Variants in VPS37A observed in about 807,000 individuals in gnomAD.
VPS37A encodes the protein vacuolar protein sorting-associated protein 37A.
VPS37A carries 30 observed loss-of-function variants against 49.8 expected under a neutral mutation model. That is an observed-to-expected ratio of 0.60 (90% CI 0.45 to 0.82). The LOEUF is 0.82. Ranked by LOEUF, VPS37A falls within the 40% of genes least tolerant of loss-of-function variation. The probability of loss-of-function intolerance (pLI) is 0.00; values close to 1 mark genes in which losing one functional copy is unlikely to be tolerated. For synonymous variants in VPS37A, 195 were observed against 160.6 expected (o/e 1.21, Z -1.62); for missense variants, 593 against 464.4 (o/e 1.28, Z -2.55).
chr8:17,254,575 T>C lies in VPS37A; in HGVS notation c.125+7206T>C, dbSNP rs561080844. Among the ~76,000 whole-genome samples, 13 of 152,302 alleles carry C rather than the reference T, an allele frequency of 8.5e-5. No homozygotes were observed. In the South Asian group the frequency reaches 2.5e-3, roughly 29 times the overall value. On this transcript the variant is annotated intron_variant, in intron 1 of 11. Transcript: ENST00000324849. ...AGGACCTTCAAACTGCTCCAAACTT[T>C]ATATTGGACTTATGTTTTGGATTGT...
At chr8:17,292,270 T>C (rs574899727) in intron 11 of VPS37A, among the ~76,000 whole-genome samples, 1 of 152,358 alleles carries the variant, frequency 6.6e-6, no homozygotes, top group Non-Finnish European at 1.5e-5. Flanking sequence ...CTCTGTTTTA[T>C]CAGAGACCAG....
Position 17,247,262 on chromosome 8 carries a change from C to T in VPS37A, c.18C>T (p.Pro6=), listed in dbSNP as rs770778806. The change falls in exon 1 of 12, where the codon CCC becomes CCT. Residue 6 remains proline, a synonymous_variant. Transcript: ENST00000324849. Reference sequence around the variant, plus strand: ...CGAGGAGGATGAGCTGGCTTTTTCCCCTGACCAAGAGCGCCTCCTCCTCCG... The same window carrying T: ...CGAGGAGGATGAGCTGGCTTTTTCCTCTGACCAAGAGCGCCTCCTCCTCCG... MSWLF[P]LTKSASSSAA... is the part of the protein sequence containing the mutation. 1.9e-6 allele frequency: 3 copies of T among 1,571,540 alleles called. No homozygotes were observed. Among genetic ancestry groups the T allele is most frequent in the Admixed American group, 3.7e-5 (2 of 54,472 alleles).
downstream of VPS37A, chr8:17,298,236 A>G (rs1026998072): frequency 2.6e-5 from 4 of 152,088 alleles, no homozygotes; most frequent in African/African-American, 9.6e-5. Context: ...GGTATTCCCT[A>G]TTACATATAG....
chr8:17,258,208 G>A (rs1385523743), intron 1 of VPS37A, among the ~76,000 whole-genome samples: 2 of 152,086 alleles, frequency 1.3e-5, no homozygotes, highest in Admixed American at 1.3e-4. Flanking sequence ...TTGAAAGTGG[G>A]CATGCTTGTC....
downstream of VPS37A, among the ~76,000 whole-genome samples, chr8:17,303,603 A>G (rs7007967): frequency 0.02 from 2,450 of 122,206 alleles, 71 homozygotes; most frequent in African/African-American, 0.081. Context: ...CTCCCCATAC[A>G]TACAATCTTT....
intron 1 of VPS37A, among the ~76,000 whole-genome samples, chr8:17,259,702 G>A (rs918426520): frequency 2.0e-5 from 3 of 152,040 alleles, no homozygotes; most frequent in African/African-American, 7.2e-5. Flanking sequence ...ATTGCAATCT[G>A]TCTTTCTCTT....
chr8:17,277,283 A>G (rs1443693595), intron 6 of VPS37A, among the ~76,000 whole-genome samples: 2 of 152,214 alleles, frequency 1.3e-5, no homozygotes, highest in Non-Finnish European at 2.9e-5. Flanking sequence ...TTTACAATAT[A>G]CTGCATACAT....
At chr8:17,292,575 T>G (rs1429286088) in intron 11 of VPS37A, among the ~76,000 whole-genome samples, 2 of 152,166 alleles carry the variant, frequency 1.3e-5, no homozygotes, top group African/African-American at 4.8e-5. Flanking sequence ...TACATTTTGG[T>G]TTGATTTTGC....
At chr8:17,250,475 A>G (rs772534585) in intron 1 of VPS37A, among the ~76,000 whole-genome samples, 2 of 152,194 alleles carry the variant, frequency 1.3e-5, no homozygotes, top group Non-Finnish European at 2.9e-5. Context: ...GAGGAATATC[A>G]ATATCTTGTT....
chr8:17,282,118 A>T (rs1007339721), intron 9 of VPS37A, among the ~76,000 whole-genome samples: 1 of 151,962 alleles, frequency 6.6e-6, no homozygotes, highest in Non-Finnish European at 1.5e-5. Flanking sequence ...AATGAAAAAA[A>T]CTCCCTTTCC....
intron 1 of VPS37A, among the ~76,000 whole-genome samples, chr8:17,259,532 A>G (rs1441530720): frequency 2.0e-5 from 3 of 152,144 alleles, no homozygotes; most frequent in African/African-American, 7.2e-5. Context: ...TGCTGATGAA[A>G]AGAACATATT....
intron 11 of VPS37A, among the ~76,000 whole-genome samples, chr8:17,289,620 A>C (rs570705501): frequency 1.7e-4 from 26 of 152,248 alleles, no homozygotes; most frequent in Middle Eastern, 3.4e-3. Context: ...GTATAGTTTG[A>C]AGTCAGGTAG....
intron 11 of VPS37A, among the ~76,000 whole-genome samples, chr8:17,293,708 C>T (rs972749445): frequency 1.1e-4 from 17 of 152,150 alleles, no homozygotes; most frequent in African/African-American, 4.1e-4. Flanking sequence ...TAACAAGCCC[C>T]TCTTCTGCAG....
chr8:17,299,657 C>T (rs1191396540), downstream of VPS37A: 25 of 632,688 alleles, frequency 4.0e-5, no homozygotes, highest in Non-Finnish European at 6.3e-5. Context: ...GAATAATTTT[C>T]CTTATATTTG....
At chr8:17,291,100 G>A (rs192001029) in intron 11 of VPS37A, among the ~76,000 whole-genome samples, 132 of 152,164 alleles carry the variant, frequency 8.7e-4, no homozygotes, top group Middle Eastern at 3.4e-3. Flanking sequence ...TGCAGCCTCC[G>A]CCTCCCAGGT....
the VPS37A span, chr8:17,331,085 T>C: frequency 6.5e-7 from 1 of 1,547,918 alleles, no homozygotes; most frequent in Admixed American, 2.0e-5. Context: ...CAAGACTATC[T>C]TATTCCCTTT....
At chr8:17,249,435 T>C (rs1178358973) in intron 1 of VPS37A, among the ~76,000 whole-genome samples, 1 of 152,208 alleles carries the variant, frequency 6.6e-6, no homozygotes. Flanking sequence ...TTTTGTAGTG[T>C]TATGAACAAA....
the VPS37A span, among the ~76,000 whole-genome samples, chr8:17,324,775 C>G: frequency 2.0e-5 from 3 of 152,126 alleles, no homozygotes; most frequent in Non-Finnish European, 4.4e-5. Flanking sequence ...GAAACCTAGG[C>G]CAAGGTGCCA....
rs1306541399 is a variant in VPS37A at position 17,296,618 on chromosome 8, T to C, written c.*1632T>C. On this transcript the variant is annotated 3_prime_UTR_variant, in exon 12 of 12. Coordinates refer to ENST00000324849, the MANE Select transcript of VPS37A (RefSeq NM_152415.3). Reference sequence around the variant, plus strand: ...GAGCATACCACAGCCCCTCATTTGATTAATTCATTTGATCTATCTATGTTA... The same window carrying C: ...GAGCATACCACAGCCCCTCATTTGACTAATTCATTTGATCTATCTATGTTA... 1 of 152,172 alleles carries C rather than the reference T, an allele frequency of 6.6e-6. No homozygotes were observed. Among genetic ancestry groups the C allele is most frequent in the Non-Finnish European group, 1.5e-5 (1 of 68,014 alleles). The allele number at this position is 152,172 out of a possible 1,614,324, so 9.4% of individuals were successfully genotyped here.
Sources: gnomAD v4.1 joint callset for allele counts (sites outside exome capture counted in the v4.1 genomes callset) on GRCh38, gnomAD v4.1.1 for gene constraint, MANE v1.5 for transcripts, NCBI Gene and HGNC (gene_info 2026-07-23, HGNC 2026-07-21) for gene names.